DOCK4: variants seen among roughly 807,000 people sequenced by gnomAD.
The protein encoded by DOCK4 is dedicator of cytokinesis protein 4.
Under a neutral mutation model 268.1 loss-of-function variants are expected in DOCK4, and 97 were observed. The ratio of observed to expected loss-of-function variants is 0.36; its 90% CI spans 0.31 to 0.43. The LOEUF is 0.43. Ranked by LOEUF, DOCK4 falls within the 20% of genes least tolerant of loss-of-function variation. The pLI is 1.00. For synonymous variants in DOCK4, 954 were observed against 887.2 expected (o/e 1.08, Z -1.34); for missense variants, 2,145 against 2,455.7 (o/e 0.87, Z 2.67).
chr7:111,742,472 G>A (rs1449811636), intron 44 of DOCK4, among the ~76,000 whole-genome samples: 1 of 152,060 alleles, frequency 6.6e-6, no homozygotes, highest in African/African-American at 2.4e-5. Context: ...CCCCAGGGTG[G>A]AGAAGGAATA....
intron 26 of DOCK4, among the ~76,000 whole-genome samples, chr7:111,828,256 G>T (rs1802551074): frequency 6.6e-6 from 1 of 152,140 alleles, no homozygotes; most frequent in Non-Finnish European, 1.5e-5. Context: ...CCACATACTT[G>T]TGTTCTGATA....
intron 30 of DOCK4, among the ~76,000 whole-genome samples, chr7:111,800,032 T>A (rs2097713): frequency 0.17 from 25,838 of 152,130 alleles, 2,732 homozygotes; most frequent in East Asian, 0.53. Context: ...CAGGAAAGAT[T>A]TACTCAAGGT....
intron 1 of DOCK4, among the ~76,000 whole-genome samples, chr7:112,143,592 C>T (rs10257672): frequency 0.071 from 10,835 of 152,154 alleles, 572 homozygotes; most frequent in African/African-American, 0.15. Flanking sequence ...TCTAAAAGTT[C>T]GCGGCTCTCC....
At chr7:112,116,256 C>A (rs1292925499) in intron 1 of DOCK4, among the ~76,000 whole-genome samples, 2 of 152,102 alleles carry the variant, frequency 1.3e-5, no homozygotes, top group Non-Finnish European at 2.9e-5. Flanking sequence ...TATATGAAAT[C>A]ATATAATGTG....
chr7:112,146,786 A>C (rs1220461517), intron 1 of DOCK4, among the ~76,000 whole-genome samples: 2 of 152,158 alleles, frequency 1.3e-5, no homozygotes, highest in Non-Finnish European at 2.9e-5. Flanking sequence ...GGAGGCTTCG[A>C]TATCTCTTCA....
At chr7:111,871,720 A>T (rs1472275045) in intron 20 of DOCK4, among the ~76,000 whole-genome samples, 1 of 152,226 alleles carries the variant, frequency 6.6e-6, no homozygotes, top group Non-Finnish European at 1.5e-5. Flanking sequence ...TAGACCAAAG[A>T]ATATCCAGTG....
chr7:112,163,237 G>A (rs921600149), intron 1 of DOCK4, among the ~76,000 whole-genome samples: 2 of 152,106 alleles, frequency 1.3e-5, no homozygotes, highest in African/African-American at 2.4e-5. Context: ...CCACTCTGAC[G>A]TGGCCTAACC....
At chr7:112,045,335 T>G (rs887596575) in intron 1 of DOCK4, among the ~76,000 whole-genome samples, 3 of 152,128 alleles carry the variant, frequency 2.0e-5, no homozygotes, top group Non-Finnish European at 4.4e-5. Context: ...GCAACACCCT[T>G]CCACTGACAA....
chr7:112,066,713 A>G lies in DOCK4; in HGVS notation c.38-62582T>C, dbSNP rs986971054. ...TACATATATATATATATATATATAT[A>G]TATATATATATATATATATATATAT... is the stretch of plus-strand genomic sequence containing the variant. On this transcript the variant is annotated intron_variant, in intron 1 of 52. Transcript: ENST00000428084. 3.3e-3 allele frequency among the ~76,000 whole-genome samples: 276 copies of G among 83,046 alleles called. 4 individuals carry two copies. The highest frequency in any genetic ancestry group is 0.011 in the Middle Eastern group (2 of 180). 54.5% of individuals were successfully genotyped at this position (83,046 alleles called of 152,430 possible). A position where few individuals can be genotyped will look rare whatever the true frequency, so the allele number is the denominator to read the frequency against.
At chr7:111,850,269 T>TTAGG (rs1011640874) in intron 23 of DOCK4, among the ~76,000 whole-genome samples, 1 of 151,958 alleles carries the variant, frequency 6.6e-6, no homozygotes, top group Non-Finnish European at 1.5e-5. Flanking sequence ...GAGAATCCTG[T>TTAGG]TAGGTCACTT....
At chr7:111,973,156 C>CGCATATATATATATAT (rs990863473) in intron 8 of DOCK4, among the ~76,000 whole-genome samples, 14 of 114,050 alleles carry the variant, frequency 1.2e-4, no homozygotes, top group African/African-American at 4.3e-4. Flanking sequence ...TATTCCATGG[C>CGCATATATATATATAT]ATATATATAT....
chr7:112,158,408 T>C (rs780795961), intron 1 of DOCK4, among the ~76,000 whole-genome samples: 2 of 152,204 alleles, frequency 1.3e-5, no homozygotes, highest in African/African-American at 4.8e-5. Flanking sequence ...ACTTAATCTG[T>C]GTGGAAAAGT....
At chr7:111,923,858 A>G (rs1330155904) in intron 12 of DOCK4, among the ~76,000 whole-genome samples, 1 of 152,180 alleles carries the variant, frequency 6.6e-6, no homozygotes, top group Non-Finnish European at 1.5e-5. Flanking sequence ...TATTTTACTA[A>G]TTCGTTTTCC....
chr7:111,900,306 A>C, intron 15 of DOCK4, 68 bp downstream of exon 15: 1 of 1,537,560 alleles, frequency 6.5e-7, no homozygotes. Context: ...CCACATCTTC[A>C]TGACAGCTCA....
intron 1 of DOCK4, among the ~76,000 whole-genome samples, chr7:112,077,708 A>G (rs1201321306): frequency 1.3e-5 from 2 of 152,132 alleles, no homozygotes; most frequent in Non-Finnish European, 2.9e-5. Context: ...ATTTAAATAC[A>G]GTATCATGGC....
chr7:111,757,113 T>C (rs1365757565), intron 41 of DOCK4, among the ~76,000 whole-genome samples: 2 of 151,774 alleles, frequency 1.3e-5, no homozygotes, highest in East Asian at 1.9e-4. Flanking sequence ...AAGCTGAGTG[T>C]CGCGGAGGCT....
chr7:111,749,102 A>G (rs1162492705), intron 42 of DOCK4, among the ~76,000 whole-genome samples: 1 of 152,172 alleles, frequency 6.6e-6, no homozygotes, highest in African/African-American at 2.4e-5. Flanking sequence ...TTTTATGGTG[A>G]AGATGGAGCT....
intron 1 of DOCK4, among the ~76,000 whole-genome samples, chr7:112,113,712 C>CATGCACCA (rs992089313): frequency 7.2e-6 from 1 of 138,764 alleles, no homozygotes; most frequent in Non-Finnish European, 1.5e-5. Context: ...AGACTTCAGG[C>CATGCACCA]ATGCACCACC....
At chr7:111,740,718 G>C (rs1363539423) in intron 47 of DOCK4, among the ~76,000 whole-genome samples, 1 of 103,826 alleles carries the variant, frequency 9.6e-6, no homozygotes, top group Non-Finnish European at 1.8e-5. Context: ...GGGAGACAGA[G>C]TGAGACTCGC....
Sources: gnomAD v4.1 joint callset for allele counts (sites outside exome capture counted in the v4.1 genomes callset) on GRCh38, gnomAD v4.1.1 for gene constraint, MANE v1.5 for transcripts, NCBI Gene and HGNC (gene_info 2026-07-23, HGNC 2026-07-21) for gene names.